The following GCH1 variants were observed in gnomAD, a reference collection of about 807,000 sequenced individuals.
GCH1 encodes GTP cyclohydrolase 1.
GCH1 carries 5 observed loss-of-function variants against 25.9 expected under a neutral mutation model. The observed-to-expected ratio is 0.19, with a 90% CI of 0.10 to 0.41. GCH1 has a LOEUF of 0.41. GCH1 is among the 10% of genes least tolerant of loss of function. The pLI is 1.00. For missense variants in GCH1, 261 were observed against 336.5 expected (o/e 0.78, Z 1.75); for synonymous variants, 159 against 129.6 (o/e 1.23, Z -1.54).
chr14:54,885,575 A>G, intron 1 of GCH1: 1 of 395,676 alleles, frequency 2.5e-6, no homozygotes. Context: ...TGAATCCCTG[A>G]TGTCATCTGC....
At chr14:54,891,897 A>G (rs1278926753) in intron 1 of GCH1, among the ~76,000 whole-genome samples, 1 of 152,168 alleles carries the variant, frequency 6.6e-6, no homozygotes, top group South Asian at 2.1e-4. Context: ...TTTGTTTTCA[A>G]GTAACCCTTA....
intron 1 of GCH1, among the ~76,000 whole-genome samples, chr14:54,882,140 G>T (rs555289621): frequency 6.6e-6 from 1 of 152,318 alleles, no homozygotes; most frequent in African/African-American, 2.4e-5. Context: ...CTGCCTCTTA[G>T]GGGAACCGCA....
At position 54,842,887 on chromosome 14, in the gene GCH1, G is replaced by C. The variant is rs543818323; in HGVS notation, c.*1130C>G. ...CTATACGGAGTTACAATGAGGACAAGACCCACATAGACCACAAAGGAAACC... is the reference window on the plus strand; with the variant it reads ...CTATACGGAGTTACAATGAGGACAACACCCACATAGACCACAAAGGAAACC... On this transcript the variant is annotated 3_prime_UTR_variant, in exon 6 of 6. Coordinates refer to ENST00000491895, the MANE Select transcript of GCH1 (RefSeq NM_000161.3). 1.0e-4 allele frequency: 58 copies of C among 569,256 alleles called. No homozygotes were observed. Among genetic ancestry groups the C allele is most frequent in the African/African-American group, 9.3e-4 (49 of 52,842 alleles). 35.3% of individuals were successfully genotyped at this position (569,256 alleles called of 1,614,324 possible). A position where few individuals can be genotyped will look rare whatever the true frequency, so the allele number is the denominator to read the frequency against.
At chr14:54,890,582 A>G (rs2040411162) in intron 1 of GCH1, among the ~76,000 whole-genome samples, 1 of 152,210 alleles carries the variant, frequency 6.6e-6, no homozygotes, top group African/African-American at 2.4e-5. Flanking sequence ...AGGGTTGACT[A>G]TGGCCAGAAT....
chr14:54,856,858 A>G (rs886102715), intron 3 of GCH1, among the ~76,000 whole-genome samples: 1 of 152,224 alleles, frequency 6.6e-6, no homozygotes, highest in African/African-American at 2.4e-5. Flanking sequence ...ATTCTACTAG[A>G]GTTGAGCCAG....
At chr14:54,864,014 A>G (rs1457177464) in intron 2 of GCH1, among the ~76,000 whole-genome samples, 1 of 151,952 alleles carries the variant, frequency 6.6e-6, no homozygotes, top group Non-Finnish European at 1.5e-5. Flanking sequence ...ATGCACCACC[A>G]TGCCCAGGTA....
At chr14:54,879,731 G>A (rs1250980689) in intron 1 of GCH1, among the ~76,000 whole-genome samples, 4 of 152,054 alleles carry the variant, frequency 2.6e-5, no homozygotes, top group African/African-American at 7.2e-5. Context: ...CGGTCGCAGT[G>A]GCTCACGCCT....
At chr14:54,875,948 A>G (rs1304093378) in intron 1 of GCH1, among the ~76,000 whole-genome samples, 1 of 152,242 alleles carries the variant, frequency 6.6e-6, no homozygotes, top group East Asian at 1.9e-4. Flanking sequence ...GCGATTCCTC[A>G]GGGATCTAGA....
intron 2 of GCH1, among the ~76,000 whole-genome samples, chr14:54,863,848 GTTGT>G (rs111635456): frequency 5.9e-5 from 9 of 151,510 alleles, no homozygotes; most frequent in Non-Finnish European, 1.0e-4. Context: ...GGGTTTCGTT[GTTGT>G]TTGTTTGTTT....
At chr14:54,864,961 T>C (rs1263501733) in intron 2 of GCH1, among the ~76,000 whole-genome samples, 2 of 151,956 alleles carry the variant, frequency 1.3e-5, no homozygotes, top group African/African-American at 2.4e-5. Flanking sequence ...ATTATTCAAG[T>C]TAAAATAAAG....
chr14:54,846,424 C>A (rs547958635), intron 4 of GCH1, among the ~76,000 whole-genome samples: 43 of 152,242 alleles, frequency 2.8e-4, no homozygotes, highest in African/African-American at 1.0e-3. Context: ...TTACGCCAAG[C>A]CATGGCATAT....
rs533647220 is a variant in GCH1 at position 54,843,818 on chromosome 14, G to A, written c.*199C>T. 3.9e-5 allele frequency: 63 copies of A among 1,613,608 alleles called. No individual in the cohort carries two copies. Among genetic ancestry groups the A allele is most frequent in the Admixed American group, 6.7e-5 (4 of 59,986 alleles). ...TTCACTTTAATATTGCCACAAAAAG[G>A]TGGCAAGAAGAAAGTAGAGGGCTCA... On this transcript the variant is annotated 3_prime_UTR_variant, in exon 6 of 6. Transcript: ENST00000491895.
rs188265206 is a variant in GCH1, at chr14:54,895,640, T to C, written c.343+6681A>G. ...GTGGAAATACAGGAAAGGTACCTTA[T>C]ATAGAAAGGAGAACTCACCAAGATA... On this transcript the variant is annotated intron_variant, in intron 1 of 5. Coordinates refer to ENST00000491895, the MANE Select transcript of GCH1 (RefSeq NM_000161.3). Among the ~76,000 whole-genome samples, 124 of 152,272 alleles carry C rather than the reference T, an allele frequency of 8.1e-4. 2 individuals are homozygous for C. In the East Asian group the frequency reaches 0.013, roughly 16 times the overall value.
At chr14:54,859,524 C>T (rs1175450994) in intron 3 of GCH1, among the ~76,000 whole-genome samples, 157 bp downstream of exon 3, 1 of 152,182 alleles carries the variant, frequency 6.6e-6, no homozygotes, top group East Asian at 1.9e-4. Flanking sequence ...AAGGAAGGGG[C>T]ATCTGTGTTT....
At chr14:54,870,333 A>AC (rs1462683562) in intron 1 of GCH1, among the ~76,000 whole-genome samples, 2 of 83,842 alleles carry the variant, frequency 2.4e-5, no homozygotes, top group Non-Finnish European at 4.3e-5. Flanking sequence ...CTCTGTTTTT[A>AC]CCAAAAAAAA....
intron 3 of GCH1, among the ~76,000 whole-genome samples, chr14:54,851,236 C>T (rs1379966545): frequency 6.6e-6 from 1 of 152,142 alleles, no homozygotes; most frequent in African/African-American, 2.4e-5. Flanking sequence ...ATGGATTAAA[C>T]ACTTAAATGT....
At position 54,881,300 on chromosome 14, in the gene GCH1, G is replaced by A. The variant is rs190208164; in HGVS notation, c.344-15864C>T. Among the ~76,000 whole-genome samples the A allele has an allele frequency of 3.2e-3, 488 of 152,134 alleles. 3 individuals are homozygous for A. Among genetic ancestry groups the A allele is most frequent in the African/African-American group, 0.011 (454 of 41,508 alleles). On this transcript the variant is annotated intron_variant, in intron 1 of 5. Coordinates refer to ENST00000491895, the MANE Select transcript of GCH1 (RefSeq NM_000161.3). ...CACAGGAAGACCCAGCCAGCTTCAC[G>A]CAGTGCTGCAAACTCTTTCAAAATC...
At chr14:54,857,436 C>T (rs1260817645) in intron 3 of GCH1, among the ~76,000 whole-genome samples, 1 of 152,162 alleles carries the variant, frequency 6.6e-6, no homozygotes, top group Non-Finnish European at 1.5e-5. Flanking sequence ...AAGGCTGTTA[C>T]ATTAAGACCA....
intron 1 of GCH1, among the ~76,000 whole-genome samples, chr14:54,880,537 C>G (rs1224664764): frequency 1.9e-4 from 6 of 30,994 alleles, no homozygotes; most frequent in Admixed American, 1.9e-3. Flanking sequence ...ATATATACTC[C>G]ATATATATAT....
Sources: gnomAD v4.1 joint callset for allele counts (sites outside exome capture counted in the v4.1 genomes callset) on GRCh38, gnomAD v4.1.1 for gene constraint, MANE v1.5 for transcripts, NCBI Gene and HGNC (gene_info 2026-07-23, HGNC 2026-07-21) for gene names.